SGCZ: variants seen among roughly 807,000 people sequenced by gnomAD.
SGCZ encodes the protein zeta-sarcoglycan.
Under a neutral mutation model 41.3 loss-of-function variants are expected in SGCZ, and 40 were observed. The observed-to-expected ratio is 0.97, with a 90% CI of 0.75 to 1.26. The LOEUF (loss-of-function observed/expected upper bound fraction) is 1.26, where lower values mean the gene tolerates loss of function less well. Ranked by LOEUF, SGCZ falls within the 50% of genes most tolerant of loss-of-function variation. The probability of loss-of-function intolerance (pLI) is 0.00; values close to 1 mark genes in which losing one functional copy is unlikely to be tolerated. For synonymous variants in SGCZ, 206 were observed against 137.5 expected, an observed-to-expected ratio of 1.50 and a Z score of -3.49; for missense variants, 552 against 369.8, an observed-to-expected ratio of 1.49 and a Z score of -4.04.
chr8:14,125,944 G>A (rs767016995), intron 5 of SGCZ, among the ~76,000 whole-genome samples: 2 of 152,148 alleles, frequency 1.3e-5, no homozygotes, highest in Non-Finnish European at 2.9e-5. Flanking sequence ...ACTGAAAACT[G>A]GATTTGTTCG....
chr8:14,422,376 C>A (rs370215157), intron 2 of SGCZ, among the ~76,000 whole-genome samples: 57 of 152,238 alleles, frequency 3.7e-4, no homozygotes, highest in African/African-American at 1.3e-3. Context: ...ACTTTGCTGA[C>A]TTGATAGACA....
intron 1 of SGCZ, among the ~76,000 whole-genome samples, chr8:15,180,751 G>T (rs550510942): frequency 3.5e-5 from 5 of 140,988 alleles, no homozygotes; most frequent in African/African-American, 1.2e-4. Flanking sequence ...GCCGGGCATG[G>T]TGGTGGGCGC....
chr8:14,282,942 A>C (rs4831293), intron 3 of SGCZ, among the ~76,000 whole-genome samples: 99,152 of 143,550 alleles, frequency 0.69, 34,302 homozygotes, highest in Admixed American at 0.72. Context: ...CTCCGCCTCC[A>C]GGGTTCACGC....
intron 1 of SGCZ, among the ~76,000 whole-genome samples, chr8:14,842,454 AG>A (rs56197031): frequency 0.39 from 58,757 of 150,088 alleles, 13,055 homozygotes; most frequent in East Asian, 0.55. Flanking sequence ...GGACAGGAAA[AG>A]GGAAAAGGAA....
intron 2 of SGCZ, among the ~76,000 whole-genome samples, chr8:14,455,936 T>C (rs561643335): frequency 3.7e-4 from 56 of 152,364 alleles, no homozygotes; most frequent in African/African-American, 1.2e-3. Context: ...TTCAAATTAG[T>C]CACATTTATA....
At chr8:15,174,777 T>G (rs1218437775) in intron 1 of SGCZ, among the ~76,000 whole-genome samples, 1 of 152,244 alleles carries the variant, frequency 6.6e-6, no homozygotes, top group Non-Finnish European at 1.5e-5. Flanking sequence ...AATCTCCATG[T>G]GCATTTCCTT....
intron 1 of SGCZ, among the ~76,000 whole-genome samples, chr8:14,766,838 A>G (rs1800052394): frequency 1.3e-5 from 2 of 148,214 alleles, no homozygotes; most frequent in African/African-American, 2.5e-5. Flanking sequence ...TCGGCCTCCC[A>G]AAGTGCTGGG....
intron 2 of SGCZ, among the ~76,000 whole-genome samples, chr8:14,522,620 G>C (rs1038123586): frequency 6.6e-6 from 1 of 150,800 alleles, no homozygotes; most frequent in East Asian, 2.0e-4. Flanking sequence ...TCATTTTTTT[G>C]GACAGTCTTC....
intron 1 of SGCZ, among the ~76,000 whole-genome samples, chr8:14,758,558 A>G (rs999489288): frequency 3.3e-5 from 5 of 152,204 alleles, no homozygotes; most frequent in African/African-American, 4.8e-5. Flanking sequence ...GTGAAATTCT[A>G]TATTAAAAAT....
chr8:14,643,486 A>G (rs1360869634), intron 1 of SGCZ, among the ~76,000 whole-genome samples: 4 of 151,528 alleles, frequency 2.6e-5, no homozygotes, highest in South Asian at 4.1e-4. Context: ...AACATAAATT[A>G]TGTGGAATGA....
chr8:14,267,745 G>C (rs1307668298), intron 3 of SGCZ, among the ~76,000 whole-genome samples: 1 of 152,018 alleles, frequency 6.6e-6, no homozygotes, highest in Admixed American at 6.6e-5. Flanking sequence ...AGTGTGAGGA[G>C]TTTGGGCTCA....
At chr8:14,217,503 G>A (rs1441464027) in intron 4 of SGCZ, among the ~76,000 whole-genome samples, 1 of 151,606 alleles carries the variant, frequency 6.6e-6, no homozygotes, top group African/African-American at 2.4e-5. Context: ...ACACTTATAT[G>A]GCACTTCCCG....
intron 1 of SGCZ, among the ~76,000 whole-genome samples, chr8:14,932,348 A>G (rs922401253): frequency 6.6e-6 from 1 of 151,938 alleles, no homozygotes; most frequent in African/African-American, 2.4e-5. Flanking sequence ...TTCTCTTTTC[A>G]TTTCAGGCCA....
At chr8:15,000,447 T>A (rs7010473) in intron 1 of SGCZ, among the ~76,000 whole-genome samples, 44,420 of 152,086 alleles carry the variant, frequency 0.29, 6,801 homozygotes, top group Admixed American at 0.35. Flanking sequence ...CCTTCCTCTT[T>A]AATGAAAATT....
intron 1 of SGCZ, among the ~76,000 whole-genome samples, chr8:15,170,702 C>A (rs892215308): frequency 6.6e-6 from 1 of 152,004 alleles, no homozygotes; most frequent in South Asian, 2.1e-4. Context: ...GCAGAATAGT[C>A]GATGTATTTG....
At chr8:14,711,304 T>A (rs968971867) in intron 1 of SGCZ, among the ~76,000 whole-genome samples, 2 of 151,942 alleles carry the variant, frequency 1.3e-5, no homozygotes, top group Non-Finnish European at 2.9e-5. Context: ...AATGTACATA[T>A]GTTGGCCAGG....
chr8:14,153,921 TCTCACACACACACACACAGACA>T (rs1189066067), intron 5 of SGCZ, among the ~76,000 whole-genome samples: 3 of 117,100 alleles, frequency 2.6e-5, no homozygotes, highest in African/African-American at 1.3e-4. Context: ...TCTCTCTCTC[TCTCACACACACACACACAGACA>T]CACACACACA....
At chr8:14,761,766 C>T (rs891844258) in intron 1 of SGCZ, among the ~76,000 whole-genome samples, 1 of 151,960 alleles carries the variant, frequency 6.6e-6, no homozygotes, top group Admixed American at 6.6e-5. Flanking sequence ...CTCAAGTGAT[C>T]CACCCACTTC....
At chr8:14,484,275 T>A (rs1476757061) in intron 2 of SGCZ, among the ~76,000 whole-genome samples, 5 of 152,134 alleles carry the variant, frequency 3.3e-5, no homozygotes, top group African/African-American at 1.2e-4. Context: ...TGGCTCTGTA[T>A]AATAAACTTT....
Sources: allele counts gnomAD v4.1 joint callset (sites outside exome capture counted in the v4.1 genomes callset), GRCh38; gene constraint gnomAD v4.1.1; transcripts MANE v1.5; gene names NCBI Gene and HGNC (gene_info 2026-07-23, HGNC 2026-07-21).